Variants in KIAA0319L observed in about 807,000 individuals in gnomAD.
KIAA0319L encodes the protein KIAA0319 like, also known as dyslexia-associated protein KIAA0319-like protein.
A neutral mutation model predicts 120.1 loss-of-function variants in KIAA0319L; 55 were observed. That is an observed-to-expected ratio of 0.46 (90% CI 0.37 to 0.57). KIAA0319L has a LOEUF of 0.57. Among genes scored for constraint, KIAA0319L ranks in the 20% least tolerant of loss-of-function variants. The pLI is 0.00. For synonymous variants in KIAA0319L, 398 were observed against 471.9 expected, an observed-to-expected ratio of 0.84 and a Z score of 2.03; for missense variants, 1,049 against 1,255.3, an observed-to-expected ratio of 0.84 and a Z score of 2.48.
At chr1:35,472,952 C>T (rs1643716934) in intron 5 of KIAA0319L, among the ~76,000 whole-genome samples, 1 of 151,032 alleles carries the variant, frequency 6.6e-6, no homozygotes, top group African/African-American at 2.4e-5. Flanking sequence ...TCACGCCTGG[C>T]TTACTTTTAG....
intron 20 of KIAA0319L, 104 bp downstream of exon 20, chr1:35,440,943 A>G: frequency 1.1e-6 from 1 of 912,112 alleles, no homozygotes; most frequent in Non-Finnish European, 1.8e-6. Context: ...AATGCTTTGC[A>G]AGCACAGTGG....
chr1:35,456,915 T>TGAAG (rs71062877), intron 9 of KIAA0319L, among the ~76,000 whole-genome samples: 23,884 of 109,756 alleles, frequency 0.22, 2,473 homozygotes, highest in African/African-American at 0.25. Flanking sequence ...AAGGAAGGAA[T>TGAAG]GAAGGAAGGA....
At chr1:35,463,599 T>A (rs1014284362) in intron 7 of KIAA0319L, among the ~76,000 whole-genome samples, 4 of 152,232 alleles carry the variant, frequency 2.6e-5, no homozygotes, top group African/African-American at 9.6e-5. Context: ...TGCAAAATGA[T>A]CAAATGGTCT....
At chr1:35,521,999 A>AG (rs984834035) in intron 2 of KIAA0319L, among the ~76,000 whole-genome samples, 3 of 152,084 alleles carry the variant, frequency 2.0e-5, no homozygotes, top group Non-Finnish European at 2.9e-5. Flanking sequence ...AAATAAATAA[A>AG]GAAGGAAGGA....
At chr1:35,477,684 A>G (rs1206168537) in intron 4 of KIAA0319L, among the ~76,000 whole-genome samples, 2 of 151,534 alleles carry the variant, frequency 1.3e-5, no homozygotes, top group Non-Finnish European at 2.9e-5. Flanking sequence ...AAAAAAAAAA[A>G]AAAACCTACA....
intron 2 of KIAA0319L, among the ~76,000 whole-genome samples, chr1:35,550,594 CTT>C (rs1015063437): frequency 6.6e-6 from 1 of 152,130 alleles, no homozygotes; most frequent in African/African-American, 2.4e-5. Flanking sequence ...AGTTGTACAT[CTT>C]GTTTCAGACT....
chr1:35,527,575 G>C (rs1488578709), intron 2 of KIAA0319L, among the ~76,000 whole-genome samples: 1 of 152,102 alleles, frequency 6.6e-6, no homozygotes, highest in Non-Finnish European at 1.5e-5. Flanking sequence ...ATTCAATCTT[G>C]TGACTTGTTA....
At chr1:35,449,715 CTA>C (rs1641907728) in intron 15 of KIAA0319L, 150 bp downstream of exon 15, 1 of 762,952 alleles carries the variant, frequency 1.3e-6, no homozygotes, top group African/African-American at 1.8e-5. Flanking sequence ...CAGACGGTCT[CTA>C]TGGATTTTTC....
rs774773327 is a variant in KIAA0319L, at chr1:35,479,138, A to G, written c.741T>C (p.Asn247=). 1.2e-6 allele frequency: 2 copies of G among 1,614,174 alleles called. No individual in the cohort carries two copies. Among genetic ancestry groups the G allele is most frequent in the Admixed American group, 3.3e-5 (2 of 60,028 alleles). The part of the protein sequence containing the change: ...LTAELSGGPK[N]VSVQPEISEG... ...CTGATATTTCAGGTTGCACTGATAC[A>G]TTCTTTGGCCCACCAGACAGCTCTG... The change falls in exon 4 of 21, where the codon AAT becomes AAC. Residue 247 remains asparagine (N), a synonymous_variant. Coordinates refer to ENST00000325722, the MANE Select transcript of KIAA0319L (RefSeq NM_024874.5).
intron 3 of KIAA0319L, among the ~76,000 whole-genome samples, chr1:35,480,557 G>A (rs964448302): frequency 6.6e-6 from 1 of 152,138 alleles, no homozygotes; most frequent in African/African-American, 2.4e-5. Context: ...CAAGACAGGT[G>A]GAACATTTGA....
Position 35,480,778 on chromosome 1 carries a change from CTT to C in KIAA0319L, c.667-1568_667-1567del, listed in dbSNP as rs371533916. Among the ~76,000 whole-genome samples the C allele has an allele frequency of 1.4e-3, 206 of 151,600 alleles. 3 individuals are homozygous for C. In the South Asian group the frequency reaches 0.014, roughly 10 times the overall value. ...TCAGCCTGGGCGACAGAGTGAAACT[CTT>C]GTCTCAAAAAAAAAAAATCAAATTG... is the stretch of plus-strand genomic sequence containing the variant. On this transcript the variant is annotated intron_variant, in intron 3 of 20. Transcript: ENST00000325722.
chr1:35,525,227 A>T (rs1191264169), intron 2 of KIAA0319L, among the ~76,000 whole-genome samples: 1 of 152,186 alleles, frequency 6.6e-6, no homozygotes, highest in Non-Finnish European at 1.5e-5. Context: ...TAAATATACA[A>T]CATTTTATTT....
intron 2 of KIAA0319L, among the ~76,000 whole-genome samples, chr1:35,550,761 G>A (rs1352088978): frequency 6.6e-6 from 1 of 151,638 alleles, no homozygotes; most frequent in Non-Finnish European, 1.5e-5. Context: ...AAAGAGACAG[G>A]GCCTCACTAT....
In KIAA0319L at chr1:35,453,503, C is replaced by T; in HGVS notation, c.1913+54G>A. On this transcript the variant is annotated intron_variant, in intron 12 of 20. Transcript: ENST00000325722. This position sits in a 1 kb window ranked among gnomAD's most constrained non-coding sequence, Gnocchi z 4.1. ...ACTCATAATAGCAAATAAAACCTTG[C>T]TCTTCCAAGGTCTGGAGGCTTTGCA... The T allele has an allele frequency of 6.4e-7, 1 of 1,569,590 alleles. No individual in the cohort carries two copies. Among genetic ancestry groups the T allele is most frequent in the Non-Finnish European group, 8.7e-7 (1 of 1,145,230 alleles).
intron 2 of KIAA0319L, among the ~76,000 whole-genome samples, chr1:35,552,055 A>AT (rs1647243021): frequency 6.6e-6 from 1 of 152,148 alleles, no homozygotes; most frequent in Non-Finnish European, 1.5e-5. Context: ...AAAAAAAAAA[A>AT]AAATTGCCAC....
chr1:35,445,614 A>G (rs1641563634), intron 16 of KIAA0319L, among the ~76,000 whole-genome samples: 1 of 152,238 alleles, frequency 6.6e-6, no homozygotes, highest in African/African-American at 2.4e-5. Context: ...TTTAATCCTC[A>G]TAACAATCCT....
Position 35,538,590 on chromosome 1 carries a change from CAAAAAA to C in KIAA0319L, c.142+15754_142+15759del, listed in dbSNP as rs757522421. On this transcript the variant is annotated intron_variant, in intron 2 of 20. Coordinates refer to ENST00000325722, the MANE Select transcript of KIAA0319L (RefSeq NM_024874.5). ...TGGGCAACAGAGTGAAACTCTGTCT[CAAAAAA>C]AAAAAAAAAAAAAAAAAAAATGCAG... Among the ~76,000 whole-genome samples the C allele has an allele frequency of 1.9e-4, 6 of 31,944 alleles. No homozygotes were observed. In the East Asian group the frequency reaches 2.8e-3, roughly 15 times the overall value. The allele number at this position is 31,944 out of a possible 152,430, so 21.0% of individuals were successfully genotyped here. A position where few individuals can be genotyped will look rare whatever the true frequency, so the allele number is the denominator to read the frequency against.
At chr1:35,446,642 C>A (rs1641648222) in intron 16 of KIAA0319L, among the ~76,000 whole-genome samples, 1 of 152,224 alleles carries the variant, frequency 6.6e-6, no homozygotes, top group African/African-American at 2.4e-5. Flanking sequence ...TTTGCCAGAT[C>A]ACCCCTTAAC....
chr1:35,442,100 C>T (rs940110734), intron 19 of KIAA0319L, 146 bp downstream of exon 19: 55 of 676,620 alleles, frequency 8.1e-5, no homozygotes, highest in Non-Finnish European at 1.2e-4. Flanking sequence ...CAAAGCTGCC[C>T]GTGCATGCCT....
Sources: allele counts gnomAD v4.1 joint callset (sites outside exome capture counted in the v4.1 genomes callset), GRCh38; gene constraint gnomAD v4.1.1; non-coding constraint Gnocchi (gnomAD v3.1); transcripts MANE v1.5; gene names NCBI Gene and HGNC (gene_info 2026-07-23, HGNC 2026-07-21).